The following MROH1 variants were observed in gnomAD, a reference collection of about 807,000 sequenced individuals.
MROH1 encodes maestro heat like repeat family member 1.
MROH1 carries 117 observed loss-of-function variants against 116.5 expected under a neutral mutation model. That is an observed-to-expected ratio of 1.00 (90% CI 0.86 to 1.17). The LOEUF is 1.17. Among genes scored for constraint, MROH1 ranks in the 50% most tolerant of loss-of-function variants. The pLI is 0.00. For synonymous variants in MROH1, 921 were observed against 583.9 expected (o/e 1.58, Z -8.32); for missense variants, 1,873 against 1,338.5 (o/e 1.40, Z -6.23).
At chr8:144,231,235 G>A (rs540958342) in intron 14 of MROH1, among the ~76,000 whole-genome samples, 2 of 151,560 alleles carry the variant, frequency 1.3e-5, no homozygotes, top group Non-Finnish European at 2.9e-5. Context: ...GCAACCATCC[G>A]ATTTCTCAAT....
chr8:144,237,281 T>C (rs1435249716), intron 14 of MROH1, among the ~76,000 whole-genome samples: 2 of 152,292 alleles, frequency 1.3e-5, no homozygotes, highest in South Asian at 4.1e-4. Context: ...CAGGGGTCCA[T>C]GCGCAGTCCC....
intron 35 of MROH1, among the ~76,000 whole-genome samples, chr8:144,256,632 T>G (rs1461742842): frequency 6.6e-6 from 1 of 152,092 alleles, no homozygotes; most frequent in African/African-American, 2.4e-5. Flanking sequence ...CCCCGAGCTG[T>G]AGGGCTGCGG....
intron 12 of MROH1, among the ~76,000 whole-genome samples, chr8:144,201,356 T>C (rs1831107339): frequency 6.6e-6 from 1 of 151,950 alleles, no homozygotes; most frequent in Non-Finnish European, 1.5e-5. Context: ...ACCGCACCCA[T>C]CCTTAAGGCT....
At chr8:144,259,117 CAT>C (rs1402951966) in intron 36 of MROH1, 121 bp from the exon 37 acceptor site, 24 of 689,546 alleles carry the variant, frequency 3.5e-5, no homozygotes, top group South Asian at 2.1e-4. Flanking sequence ...ATCTCTGAAA[CAT>C]AGAACTCCCA....
chr8:144,192,376 C>G lies in MROH1; in HGVS notation c.923C>G (p.Ala308Gly). 1 of 1,595,128 alleles carries G rather than the reference C, an allele frequency of 6.3e-7. No homozygotes were observed. Among genetic ancestry groups the G allele is most frequent in the Non-Finnish European group, 8.5e-7 (1 of 1,174,328 alleles). ...GSRTLETQLDALLAALHSQIC... is the reference protein window; with the variant it reads ...GSRTLETQLDGLLAALHSQIC... ...CGCACACTGGAGACCCAGCTGGATGCCCTCTTGGCTGCACTGCACTCCCAG... is the reference window on the plus strand; with the variant it reads ...CGCACACTGGAGACCCAGCTGGATGGCCTCTTGGCTGCACTGCACTCCCAG... Residue 308 changes from alanine to glycine, a missense_variant, in exon 10 of 44, where the codon GCC (alanine) becomes GGC (glycine). By Grantham distance (60) the Ala-to-Gly change is moderately conservative (BLOSUM62 0). Coordinates refer to ENST00000326134, the MANE Select transcript of MROH1 (RefSeq NM_032450.3).
At chr8:144,200,718 A>G in intron 12 of MROH1, 177 bp downstream of exon 12, 1 of 600,384 alleles carries the variant, frequency 1.7e-6, no homozygotes, top group Non-Finnish European at 3.0e-6. Context: ...CAAGGGTGGT[A>G]CCTTTCTACC....
In MROH1 at chr8:144,244,494, C is replaced by T; in HGVS notation, c.2721C>T (p.Leu907=). Residue 907 remains leucine, a synonymous_variant, in exon 28 of 44, where the codon CTC becomes CTT. Coordinates refer to ENST00000326134, the MANE Select transcript of MROH1 (RefSeq NM_032450.3). ...LHALEDLLTS[L]LQRNMTPQGL... ...CCCTTGAGGATCTGCTGACGAGCCT[C>T]CTGCAGCGGAACATGACCCCCCAAG... is the stretch of plus-strand genomic sequence containing the variant. 1 of 774,442 alleles carries T rather than the reference C, an allele frequency of 1.3e-6. No homozygotes were observed. The highest frequency in any genetic ancestry group is 1.7e-5 in the Admixed American group (1 of 58,378). The allele number at this position is 774,442 out of a possible 1,614,324, so 48.0% of individuals were successfully genotyped here. A position where few individuals can be genotyped will look rare whatever the true frequency, so the allele number is the denominator to read the frequency against.
intron 12 of MROH1, among the ~76,000 whole-genome samples, chr8:144,208,407 G>GTT (rs112541953): frequency 0.043 from 6,259 of 146,476 alleles, 173 homozygotes; most frequent in Non-Finnish European, 0.064. Context: ...GGTGGGTGGG[G>GTT]TTTTTTTTTT....
At chr8:144,173,818 T>C (rs1266209833) in intron 4 of MROH1, among the ~76,000 whole-genome samples, 1 of 152,224 alleles carries the variant, frequency 6.6e-6, no homozygotes, top group Non-Finnish European at 1.5e-5. Context: ...GCCTACATTA[T>C]AGCTTGTAAC....
In MROH1 at chr8:144,240,169, C is replaced by T. The variant is rs914401334; in HGVS notation, c.1827+16C>T. 72 of 771,076 alleles carry T rather than the reference C, an allele frequency of 9.3e-5. No homozygotes were observed. Among genetic ancestry groups the T allele is most frequent in the Non-Finnish European group, 1.3e-4 (54 of 413,736 alleles). The allele number at this position is 771,076 out of a possible 1,614,324, so 47.8% of individuals were successfully genotyped here. A position where few individuals can be genotyped will look rare whatever the true frequency, so the allele number is the denominator to read the frequency against. On this transcript the variant is annotated intron_variant, in intron 19 of 43. Coordinates refer to ENST00000326134, the MANE Select transcript of MROH1 (RefSeq NM_032450.3). ...GCTGTTGATGGTGAGGGCCGGGGTA[C>T]GGCCCATCCTGGGCCTTAAGGTGTT...
intron 4 of MROH1, among the ~76,000 whole-genome samples, chr8:144,174,463 A>G (rs960946471): frequency 1.3e-5 from 2 of 151,258 alleles, no homozygotes; most frequent in Non-Finnish European, 2.9e-5. Context: ...ACCCTGGAAC[A>G]CAAGTAATAC....
intron 14 of MROH1, among the ~76,000 whole-genome samples, chr8:144,227,843 C>A (rs1211778602): frequency 6.6e-6 from 1 of 152,044 alleles, no homozygotes; most frequent in East Asian, 1.9e-4. Context: ...GTCCCAGCCA[C>A]TCGAGAGGCT....
intron 14 of MROH1, among the ~76,000 whole-genome samples, chr8:144,223,590 TCAGAACG>T (rs925450783): frequency 2.5e-4 from 38 of 152,312 alleles, no homozygotes; most frequent in African/African-American, 9.1e-4. Flanking sequence ...CTCCCAGGAC[TCAGAACG>T]CAGAAGCAGG....
chr8:144,180,360 C>A lies in MROH1; in HGVS notation c.463+20C>A, dbSNP rs376676155. The A allele has an allele frequency of 6.2e-6, 10 of 1,607,766 alleles. No individual in the cohort carries two copies. The highest frequency in any genetic ancestry group is 8.5e-6 in the Non-Finnish European group (10 of 1,178,592). On this transcript the variant is annotated intron_variant, in intron 6 of 43. Coordinates refer to ENST00000326134, the MANE Select transcript of MROH1 (RefSeq NM_032450.3). The surrounding 1 kb of genome is among the most constrained non-coding windows in gnomAD (Gnocchi z 7.4). ...CCAACGGTAGGTGACGCGCGGCCTG[C>A]CCCAGGAGGAGCACGGGGCGCTGGA...
rs1330569038 is a variant in MROH1 at position 144,261,694 on chromosome 8, G to A, written c.4880G>A (p.Arg1627Gln). 17 of 727,998 alleles carry A rather than the reference G, an allele frequency of 2.3e-5. No homozygotes were observed. Among genetic ancestry groups the A allele is most frequent in the African/African-American group, 6.9e-5 (4 of 57,796 alleles). The allele number at this position is 727,998 out of a possible 1,614,324, so 45.1% of individuals were successfully genotyped here. A position where few individuals can be genotyped will look rare whatever the true frequency, so the allele number is the denominator to read the frequency against. The change falls in exon 44 of 44, where the codon CGG (arginine) becomes CAG (glutamine). Residue 1627 changes from arginine (R) to glutamine (Q), a missense_variant. By Grantham distance (43) the Arg-to-Gln change is conservative. Coordinates refer to ENST00000326134, the MANE Select transcript of MROH1 (RefSeq NM_032450.3). ...ILLKDPAPEV[R>Q]TRAAEALGRL... Reference sequence around the variant, plus strand: ...CTGAAGGACCCGGCCCCCGAGGTGCGGACGAGGGCTGCTGAGGCCCTGGGC... The same window carrying A: ...CTGAAGGACCCGGCCCCCGAGGTGCAGACGAGGGCTGCTGAGGCCCTGGGC...
At chr8:144,258,071 C>T (rs1418080233) in intron 35 of MROH1, among the ~76,000 whole-genome samples, 2 of 152,194 alleles carry the variant, frequency 1.3e-5, no homozygotes, top group Non-Finnish European at 2.9e-5. Context: ...TCATCTGAGC[C>T]GATGGTCGAT....
In MROH1 at chr8:144,176,793, C is replaced by T. The variant is rs560246323; in HGVS notation, c.169-2662C>T. On this transcript the variant is annotated intron_variant, in intron 4 of 43. Transcript: ENST00000326134. ...GCAGTGAGTTGAGATTGTGCCACTG[C>T]ACTCCAGCCTGCGCGACGAGTGAGA... is the stretch of plus-strand genomic sequence containing the variant. 4.0e-3 allele frequency among the ~76,000 whole-genome samples: 600 copies of T among 150,126 alleles called. 3 individuals are homozygous for T. Among genetic ancestry groups the T allele is most frequent in the Non-Finnish European group, 7.3e-3 (492 of 67,786 alleles).
At chr8:144,255,980 C>T (rs1483014757) in intron 35 of MROH1, among the ~76,000 whole-genome samples, 10 of 152,226 alleles carry the variant, frequency 6.6e-5, no homozygotes, top group Non-Finnish European at 1.3e-4. Context: ...GTGGGGGCTT[C>T]GTGTGGCAGC....
At chr8:144,160,465 G>C (rs1408862685) in intron 1 of MROH1, among the ~76,000 whole-genome samples, 3 of 152,208 alleles carry the variant, frequency 2.0e-5, no homozygotes, top group African/African-American at 4.8e-5. Context: ...ATTTGTCTTA[G>C]TTTTCTAATG....
Sources: allele counts gnomAD v4.1 joint callset (sites outside exome capture counted in the v4.1 genomes callset), GRCh38; gene constraint gnomAD v4.1.1; non-coding constraint Gnocchi (gnomAD v3.1); transcripts MANE v1.5; gene names NCBI Gene and HGNC (gene_info 2026-07-23, HGNC 2026-07-21).